Variants in WAPL observed in about 807,000 individuals in gnomAD.
The protein encoded by WAPL is WAPL cohesin release factor.
Under a neutral mutation model 121.0 loss-of-function variants are expected in WAPL, and 5 were observed. The observed-to-expected ratio is 0.04, with a 90% CI of 0.02 to 0.09. The LOEUF (loss-of-function observed/expected upper bound fraction) is 0.09. Among genes scored for constraint, WAPL ranks in the 10% least tolerant of loss-of-function variants. The pLI, the probability that WAPL is intolerant of heterozygous loss-of-function variation, is 1.00. For synonymous variants in WAPL, 480 were observed against 481.5 expected (o/e 1.00, Z 0.04); for missense variants, 999 against 1,410.8 (o/e 0.71, Z 4.68).
At chr10:86,441,798 T>C (rs1034146909) in intron 17 of WAPL, among the ~76,000 whole-genome samples, 6 of 151,904 alleles carry the variant, frequency 3.9e-5, no homozygotes, top group Non-Finnish European at 7.4e-5. Context: ...GCCCAGGAGT[T>C]CGAGACCGGC....
intron 2 of WAPL, among the ~76,000 whole-genome samples, chr10:86,501,497 C>A (rs1419255163): frequency 2.0e-5 from 3 of 152,168 alleles, no homozygotes; most frequent in African/African-American, 7.2e-5. Context: ...ATTCCCTCAA[C>A]ATTTACTTGT....
Position 86,499,765 on chromosome 10 carries a change from T to C in WAPL, c.1478A>G (p.Glu493Gly). ...APSPSLQPPP[E>G]SNDNSQDSQS... ...ACTGTCCTGGGAATTATCATTGCTT[T>C]CTGGGGGAGGCTGCAAGGAGGGTGA... is the stretch of plus-strand genomic sequence containing the variant. Residue 493 changes from glutamate to glycine, a missense_variant, in exon 3 of 19, where the codon GAA becomes GGA. By Grantham distance (98) the Glu-to-Gly change is moderately conservative. Transcript: ENST00000298767. 1 of 1,601,506 alleles carries C rather than the reference T, an allele frequency of 6.2e-7. No homozygotes were observed. The highest frequency in any genetic ancestry group is 8.5e-7 in the Non-Finnish European group (1 of 1,176,348).
chr10:86,454,853 G>A (rs1436169020), intron 12 of WAPL, among the ~76,000 whole-genome samples: 3 of 149,510 alleles, frequency 2.0e-5, no homozygotes, highest in East Asian at 4.0e-4. Context: ...CCGCGACCCC[G>A]TCTGGGAACT....
At chr10:86,486,824 C>T (rs566642968) in intron 4 of WAPL, among the ~76,000 whole-genome samples, 1 of 152,086 alleles carries the variant, frequency 6.6e-6, no homozygotes, top group East Asian at 1.9e-4. Flanking sequence ...GACGCAGTGG[C>T]GTGTGCCTAT....
chr10:86,438,498 C>T (rs1367876697), intron 17 of WAPL, among the ~76,000 whole-genome samples: 9 of 152,190 alleles, frequency 5.9e-5, no homozygotes, highest in African/African-American at 1.2e-4. Flanking sequence ...AAGTAATCCA[C>T]GCACCTTGGC....
chr10:86,463,468 T>C (rs1039274105), intron 9 of WAPL, among the ~76,000 whole-genome samples: 2 of 152,214 alleles, frequency 1.3e-5, no homozygotes, highest in African/African-American at 4.8e-5. Flanking sequence ...TGGACCTTGG[T>C]TAACGTGTGT....
intron 12 of WAPL, among the ~76,000 whole-genome samples, chr10:86,457,408 T>G (rs1442692369): frequency 2.7e-5 from 4 of 150,570 alleles, no homozygotes; most frequent in Admixed American, 6.6e-5. Flanking sequence ...ATCCCAACAC[T>G]TTGGGAGGCC....
intron 4 of WAPL, among the ~76,000 whole-genome samples, chr10:86,479,851 A>T (rs895853521): frequency 6.6e-6 from 1 of 152,198 alleles, no homozygotes; most frequent in Non-Finnish European, 1.5e-5. Flanking sequence ...ATTGTCAAAA[A>T]TTTCTTTAAA....
At chr10:86,450,533 G>A (rs1840952187) in intron 15 of WAPL, among the ~76,000 whole-genome samples, 1 of 152,130 alleles carries the variant, frequency 6.6e-6, no homozygotes, top group African/African-American at 2.4e-5. Flanking sequence ...ACCTTGCCCG[G>A]CCAAGAAATG....
chr10:86,475,325 T>TA (rs979312926), intron 4 of WAPL, among the ~76,000 whole-genome samples: 15 of 152,318 alleles, frequency 9.8e-5, no homozygotes, highest in African/African-American at 3.4e-4. Flanking sequence ...TTGGACAAAT[T>TA]AGAGATTTTC....
chr10:86,489,425 T>G (rs1251024727), intron 4 of WAPL, among the ~76,000 whole-genome samples: 5 of 152,188 alleles, frequency 3.3e-5, no homozygotes, highest in African/African-American at 9.7e-5. Flanking sequence ...AGTGCTCTTG[T>G]TTTTAGAAAG....
intron 17 of WAPL, among the ~76,000 whole-genome samples, chr10:86,441,859 T>TA (rs1849479453): frequency 1.3e-5 from 2 of 151,966 alleles, no homozygotes; most frequent in Non-Finnish European, 2.9e-5. Context: ...AGAAAAATAA[T>TA]AAAGACAGAA....
intron 17 of WAPL, among the ~76,000 whole-genome samples, chr10:86,440,648 T>A (rs1375897215): frequency 6.6e-6 from 1 of 152,050 alleles, no homozygotes; most frequent in Non-Finnish European, 1.5e-5. Flanking sequence ...CTGTGTGTGA[T>A]GGGTTTCTGA....
intron 5 of WAPL, 144 bp downstream of exon 5, chr10:86,473,734 T>C: frequency 1.7e-6 from 1 of 605,588 alleles, no homozygotes; most frequent in Non-Finnish European, 2.8e-6. Context: ...TGAATTAAAC[T>C]GAAACTAATA....
At chr10:86,500,787 A>G in intron 2 of WAPL, 44 bp from the exon 3 acceptor site, 3 of 1,406,812 alleles carry the variant, frequency 2.1e-6, no homozygotes, top group African/African-American at 1.4e-5. Flanking sequence ...TGGTATCAAC[A>G]TAAAAGTTAA....
chr10:86,461,347 TTC>T (rs1841269396), intron 9 of WAPL, 60 bp from the exon 10 acceptor site: 10 of 1,385,078 alleles, frequency 7.2e-6, no homozygotes, highest in Admixed American at 3.8e-5. Context: ...TAGAAATTGT[TTC>T]TCTTTACAAA....
chr10:86,476,109 TAATCCCA>T, intron 4 of WAPL, among the ~76,000 whole-genome samples: 1 of 152,344 alleles, frequency 6.6e-6, no homozygotes, highest in East Asian at 1.9e-4. Flanking sequence ...CTTACGCCTG[TAATCCCA>T]GCACTTTGGG....
In WAPL at chr10:86,437,612, A is replaced by G; in HGVS notation, c.3508-4T>C. ...GGCCAGTTGTTCCAACAGCACACTG[A>G]AAGCAGGGTGAAGGGGAAAGGAAGT... On this transcript the variant is annotated splice_region_variant and splice_polypyrimidine_tract_variant and intron_variant, in intron 18 of 18. Coordinates refer to ENST00000298767, the MANE Select transcript of WAPL (RefSeq NM_015045.5). 6.2e-7 allele frequency: 1 copy of G among 1,613,828 alleles called. No individual in the cohort carries two copies. Among genetic ancestry groups the G allele is most frequent in the Non-Finnish European group, 8.5e-7 (1 of 1,179,914 alleles).
At chr10:86,520,500 T>G (rs1350002692) in intron 1 of WAPL, among the ~76,000 whole-genome samples, 1 of 152,174 alleles carries the variant, frequency 6.6e-6, no homozygotes, top group African/African-American at 2.4e-5. Flanking sequence ...TATCTCCTCC[T>G]GATTGCCTTT....
Sources: allele counts gnomAD v4.1 joint callset (sites outside exome capture counted in the v4.1 genomes callset), GRCh38; gene constraint gnomAD v4.1.1; transcripts MANE v1.5; gene names NCBI Gene and HGNC (gene_info 2026-07-23, HGNC 2026-07-21).